The following MYLK2 variants were observed in gnomAD, a reference collection of about 807,000 sequenced individuals.
The protein encoded by MYLK2 is myosin light chain kinase 2, also known as myosin light chain kinase 2, skeletal/cardiac muscle.
MYLK2 carries 27 observed loss-of-function variants against 58.2 expected under a neutral mutation model. The observed-to-expected ratio is 0.46, with a 90% CI of 0.34 to 0.64. MYLK2 has a LOEUF of 0.64. Among genes scored for constraint, MYLK2 ranks in the 30% least tolerant of loss-of-function variants. The probability of loss-of-function intolerance (pLI) is 0.01; values close to 1 mark genes in which losing one functional copy is unlikely to be tolerated. For missense variants in MYLK2, 676 were observed against 764.3 expected (o/e 0.88, Z 1.36); for synonymous variants, 310 against 296.7 (o/e 1.04, Z -0.46).
intron 12 of MYLK2, 23 bp from the exon 13 acceptor site, chr20:31,833,694 A>G (rs1484327883): frequency 6.2e-7 from 1 of 1,609,230 alleles, no homozygotes; most frequent in Non-Finnish European, 8.5e-7. Flanking sequence ...GTTGACTGGG[A>G]CTCCCTCTCT....
intron 6 of MYLK2, among the ~76,000 whole-genome samples, chr20:31,826,390 G>A (rs1300596301): frequency 6.6e-6 from 1 of 151,932 alleles, no homozygotes; most frequent in Non-Finnish European, 1.5e-5. Context: ...TCAGTACTCA[G>A]GAGAAGAGCC....
intron 8 of MYLK2, among the ~76,000 whole-genome samples, chr20:31,829,707 C>A (rs1269833390): frequency 6.6e-6 from 1 of 152,230 alleles, no homozygotes; most frequent in Non-Finnish European, 1.5e-5. Context: ...GTGGCCAGGG[C>A]TTCCGGTGTT....
At chr20:31,819,747 A>G in intron 2 of MYLK2, 115 bp downstream of exon 2, 1 of 1,263,344 alleles carries the variant, frequency 7.9e-7, no homozygotes, top group Non-Finnish European at 1.1e-6. Context: ...TGCATGGTGC[A>G]CGGGGGACCC....
In MYLK2 at chr20:31,831,724, C is replaced by T. The variant is rs1261064039; in HGVS notation, c.1446C>T (p.Phe482=). ...TYMLLSGLSP[F]LGDDDTETLN... is the part of the protein sequence containing the mutation. ...CTAGGCTGAGCGGCCTCTCCCCCTT[C>T]CTGGGAGATGATGACACAGAGACCC... Residue 482 remains phenylalanine, a synonymous_variant, in exon 11 of 13, where the codon TTC becomes TTT. Transcript: ENST00000375985. The T allele has an allele frequency of 2.5e-6, 4 of 1,614,058 alleles. No homozygotes were observed. The highest frequency in any genetic ancestry group is 2.2e-5 in the South Asian group (2 of 91,072).
chr20:31,833,876 G>T lies in MYLK2; in HGVS notation c.*79G>T. On this transcript the variant is annotated 3_prime_UTR_variant, in exon 13 of 13. Transcript: ENST00000375985. ...CCACACAGCCCAGAAGGCCAGAAAA[G>T]GCAGCCAGATCCCCAGGGCAGCCTC... 2 of 1,377,610 alleles carry T rather than the reference G, an allele frequency of 1.5e-6. No homozygotes were observed. Among genetic ancestry groups the T allele is most frequent in the Admixed American group, 3.5e-5 (2 of 57,716 alleles). The allele number at this position is 1,377,610 out of a possible 1,614,324, so 85.3% of individuals were successfully genotyped here. A position where few individuals can be genotyped will look rare whatever the true frequency, so the allele number is the denominator to read the frequency against.
Position 31,831,066 on chromosome 20 carries a change from C to A in MYLK2, c.1349C>A (p.Ser450Ter). The part of the protein sequence containing the change: ...KVNFGTPEFL[S>*]PEVVNYDQIS... Reference sequence around the variant, plus strand: ...AACTTTGGGACCCCAGAGTTCCTGTCACCTGAGGTGGTGAATTATGACCAA... The same window carrying A: ...AACTTTGGGACCCCAGAGTTCCTGTAACCTGAGGTGGTGAATTATGACCAA... The change falls in exon 10 of 13, where the codon TCA becomes TAA. Residue 450 changes from serine (S) to a stop codon, truncating the protein, a stop_gained. Coordinates refer to ENST00000375985, the MANE Select transcript of MYLK2 (RefSeq NM_033118.4). LOFTEE classifies it high-confidence loss of function. 1 of 1,614,146 alleles carries A rather than the reference C, an allele frequency of 6.2e-7. No homozygotes were observed. Among genetic ancestry groups the A allele is most frequent in the Non-Finnish European group, 8.5e-7 (1 of 1,180,016 alleles).
chr20:31,819,484 CGA>C, intron 1 of MYLK2, 47 bp from the exon 2 acceptor site: 2 of 1,492,668 alleles, frequency 1.3e-6, no homozygotes, highest in South Asian at 1.2e-5. Flanking sequence ...TGCAGCCAGA[CGA>C]GAGGGGAAAT....
At chr20:31,827,534 T>C (rs532053974) in intron 8 of MYLK2, 1 of 985,302 alleles carries the variant, frequency 1.0e-6, no homozygotes, top group Non-Finnish European at 1.2e-6. Context: ...TCTTCTTTTT[T>C]TTGAGATAGA....
At chr20:31,821,788 G>A (rs549102527) in intron 4 of MYLK2, 51 bp downstream of exon 4, 1 of 1,522,970 alleles carries the variant, frequency 6.6e-7, no homozygotes, top group Admixed American at 2.0e-5. Context: ...CAGGGGGAGG[G>A]AAGGGGGCTG....
intron 8 of MYLK2, chr20:31,828,279 G>A: frequency 1.0e-6 from 1 of 985,138 alleles, no homozygotes; most frequent in Non-Finnish European, 1.2e-6. Context: ...GCAGGGAAGG[G>A]CAGCAGGAGT....
rs763971356 is a variant in MYLK2 at position 31,832,095 on chromosome 20, C to T, written c.1669C>T (p.Gln557Ter). The change falls in exon 12 of 13, where the codon CAG becomes TAG. Residue 557 changes from glutamine (Q) to a stop codon, truncating the protein, a stop_gained. Coordinates refer to ENST00000375985, the MANE Select transcript of MYLK2 (RefSeq NM_033118.4). LOFTEE classifies it high-confidence loss of function. ...ACGCTGTAACCGACGCCTTAAGTCC[C>T]AGATCTTGCTTAAGAAATACCTCAT... is the stretch of plus-strand genomic sequence containing the variant. ...AKRCNRRLKS[Q>*]ILLKKYLMKR... The T allele has an allele frequency of 6.2e-7, 1 of 1,609,214 alleles. No individual in the cohort carries two copies. Among genetic ancestry groups the T allele is most frequent in the Admixed American group, 1.7e-5 (1 of 59,330 alleles).
intron 3 of MYLK2, 53 bp downstream of exon 3, chr20:31,820,599 G>T: frequency 6.3e-7 from 1 of 1,588,302 alleles, no homozygotes; most frequent in Non-Finnish European, 8.5e-7. Context: ...TGTCCCTAGG[G>T]GTCCTGCTTA....
chr20:31,834,165 C>T lies in MYLK2; in HGVS notation c.*368C>T, dbSNP rs982279680. Reference sequence around the variant, plus strand: ...TTGCCCCACTGGGAGAGTCCTTAGCCTGGGCCTCCTCCTAGCTGGAGTGCC... The same window carrying T: ...TTGCCCCACTGGGAGAGTCCTTAGCTTGGGCCTCCTCCTAGCTGGAGTGCC... On this transcript the variant is annotated 3_prime_UTR_variant, in exon 13 of 13. Coordinates refer to ENST00000375985, the MANE Select transcript of MYLK2 (RefSeq NM_033118.4). 2 of 288,186 alleles carry T rather than the reference C, an allele frequency of 6.9e-6. No homozygotes were observed. Among genetic ancestry groups the T allele is most frequent in the African/African-American group, 4.3e-5 (2 of 46,230 alleles). 17.9% of individuals were successfully genotyped at this position (288,186 alleles called of 1,614,324 possible). A position where few individuals can be genotyped will look rare whatever the true frequency, so the allele number is the denominator to read the frequency against.
rs372979445 is a variant in MYLK2, at chr20:31,830,971, T to C, written c.1296-42T>C. ...GGGTGGGGTGGAGGGGGCATGGGTA[T>C]AGGCCAGGAGCTGTGCTCTCAGCCC... On this transcript the variant is annotated intron_variant, in intron 9 of 12. Coordinates refer to ENST00000375985, the MANE Select transcript of MYLK2 (RefSeq NM_033118.4). 149 of 1,613,960 alleles carry C rather than the reference T, an allele frequency of 9.2e-5. 1 individual carries two copies. The highest frequency in any genetic ancestry group is 1.2e-4 in the Non-Finnish European group (138 of 1,179,986).
chr20:31,820,297 G>A lies in MYLK2; in HGVS notation c.224G>A (p.Gly75Asp), dbSNP rs1600407058. ...TLAQPSTSSQ[G>D]PKGEGDRGGG... ...GCCCAACCCTCAACTAGCAGCCAAG[G>A]CCCCAAAGGAGAGGGTGACAGGGGC... is the stretch of plus-strand genomic sequence containing the variant. The change falls in exon 3 of 13, where the codon GGC (glycine) becomes GAC (aspartate). Residue 75 changes from glycine (G) to aspartate (D), a missense_variant. By Grantham distance (94) the Gly-to-Asp change is moderately conservative. Coordinates refer to ENST00000375985, the MANE Select transcript of MYLK2 (RefSeq NM_033118.4). 6.2e-7 allele frequency: 1 copy of A among 1,613,594 alleles called. No individual in the cohort carries two copies. The highest frequency in any genetic ancestry group is 1.1e-5 in the South Asian group (1 of 91,088).
Position 31,819,485 on chromosome 20 carries a change from G to A in MYLK2, c.-48-48G>A, listed in dbSNP as rs949091366. The A allele has an allele frequency of 8.0e-6, 12 of 1,498,964 alleles. No individual in the cohort carries two copies. In the African/African-American group the frequency reaches 8.3e-5, roughly 10 times the overall value. The allele number at this position is 1,498,964 out of a possible 1,614,324, so 92.9% of individuals were successfully genotyped here. On this transcript the variant is annotated intron_variant, in intron 1 of 12. Coordinates refer to ENST00000375985, the MANE Select transcript of MYLK2 (RefSeq NM_033118.4). ...GCTTCCTGTCTCACTGCAGCCAGAC[G>A]AGAGGGGAAATTGGACAGCCTGACA...
At position 31,834,121 on chromosome 20, in the gene MYLK2, C is replaced by CTTTGAACT. The variant is rs1192896468; in HGVS notation, c.*324_*325insTTTGAACT. On this transcript the variant is annotated 3_prime_UTR_variant, in exon 13 of 13. Coordinates refer to ENST00000375985, the MANE Select transcript of MYLK2 (RefSeq NM_033118.4). ...CAGCTCCTCGTCTTTGAACTGCCGC[C>CTTTGAACT]GCCGTGGTGACCCCTGCTTTGCCCC... 10 of 395,232 alleles carry CTTTGAACT rather than the reference C, an allele frequency of 2.5e-5. No homozygotes were observed. The highest frequency in any genetic ancestry group is 4.3e-5 in the Non-Finnish European group (9 of 209,244). The allele number at this position is 395,232 out of a possible 1,614,324, so 24.5% of individuals were successfully genotyped here. A position where few individuals can be genotyped will look rare whatever the true frequency, so the allele number is the denominator to read the frequency against.
chr20:31,828,325 G>T (rs2062290266), intron 8 of MYLK2: 1 of 985,318 alleles, frequency 1.0e-6, no homozygotes, highest in African/African-American at 1.7e-5. Flanking sequence ...AGGTGTTAAT[G>T]CTGTGCGTTA....
At chr20:31,828,638 G>T (rs1444527278) in intron 8 of MYLK2, 1 of 985,448 alleles carries the variant, frequency 1.0e-6, no homozygotes, top group Non-Finnish European at 1.2e-6. Flanking sequence ...ATGCGGAATC[G>T]CACTGGGTGA....
Sources: gnomAD v4.1 joint callset for allele counts (sites outside exome capture counted in the v4.1 genomes callset) on GRCh38, gnomAD v4.1.1 for gene constraint, MANE v1.5 for transcripts, NCBI Gene and HGNC (gene_info 2026-07-23, HGNC 2026-07-21) for gene names.